The following EVI5 variants were observed in gnomAD, a reference collection of about 807,000 sequenced individuals.
The protein encoded by EVI5 is ecotropic viral integration site 5.
In EVI5, 73 loss-of-function variants were observed where a neutral mutation model predicts 112.0. The observed-to-expected ratio is 0.65, with a 90% CI of 0.54 to 0.79. The LOEUF (loss-of-function observed/expected upper bound fraction) is 0.79, where lower values mean the gene tolerates loss of function less well. Ranked by LOEUF, EVI5 falls within the 30% of genes least tolerant of loss-of-function variation. The probability of loss-of-function intolerance (pLI) is 0.00; values close to 1 mark genes in which losing one functional copy is unlikely to be tolerated. For synonymous variants in EVI5, 305 were observed against 319.9 expected, an observed-to-expected ratio of 0.95 and a Z score of 0.50; for missense variants, 900 against 968.8, an observed-to-expected ratio of 0.93 and a Z score of 0.94.
intron 14 of EVI5, among the ~76,000 whole-genome samples, chr1:92,631,995 T>C (rs996045878): frequency 1.1e-4 from 16 of 152,272 alleles, no homozygotes; most frequent in South Asian, 8.3e-4. Context: ...ATTGATTTGC[T>C]ATGTTGAACC....
rs1415662407 is a variant in EVI5 at position 92,717,903 on chromosome 1, C to T, written c.150-13159G>A. Among the ~76,000 whole-genome samples the T allele has an allele frequency of 7.2e-5, 11 of 151,936 alleles. No individual in the cohort carries two copies. The East Asian group carries it at 2.1e-3, about 29-fold the overall frequency. The stretch of plus-strand genomic sequence containing the variant: ...AAAAACCAGGGGTTGCAATCCTAGT[C>T]TCTGATAAAACAAATTTTAAACCAA... On this transcript the variant is annotated intron_variant, in intron 2 of 19. Transcript: ENST00000684568.
chr1:92,540,513 T>A (rs1410680850), intron 19 of EVI5, among the ~76,000 whole-genome samples: 1 of 152,204 alleles, frequency 6.6e-6, no homozygotes, highest in Non-Finnish European at 1.5e-5. Context: ...CCTTTATCCA[T>A]TTTATAACTG....
At chr1:92,554,199 G>A (rs544235805) in intron 19 of EVI5, among the ~76,000 whole-genome samples, 1 of 152,206 alleles carries the variant, frequency 6.6e-6, no homozygotes, top group Non-Finnish European at 1.5e-5. Flanking sequence ...TGAGCTATGA[G>A]TAGATTTTTA....
intron 2 of EVI5, chr1:92,732,071 T>C (rs1676574671): frequency 6.4e-6 from 1 of 156,560 alleles, no homozygotes; most frequent in African/African-American, 2.4e-5. Context: ...AGATTTTCTT[T>C]CATTTGTGTG....
intron 1 of EVI5, among the ~76,000 whole-genome samples, chr1:92,772,904 C>T (rs1444163190): frequency 2.1e-4 from 8 of 37,594 alleles, no homozygotes; most frequent in Non-Finnish European, 3.2e-4. Flanking sequence ...GAAACCCCAT[C>T]TTAAAAAAAA....
In EVI5 at chr1:92,513,176, A is replaced by C. The variant is rs199608537; in HGVS notation, c.*480T>G. Reference sequence around the variant, plus strand: ...AAAAAAAACAACAATAAAAAAAAAAACACAAGGTAAATCAGATGTATGTCT... The same window carrying C: ...AAAAAAAACAACAATAAAAAAAAAACCACAAGGTAAATCAGATGTATGTCT... On this transcript the variant is annotated 3_prime_UTR_variant, in exon 20 of 20. Coordinates refer to ENST00000684568, the MANE Select transcript of EVI5 (RefSeq NM_001350197.2). The C allele has an allele frequency of 1.2e-4, 17 of 144,998 alleles. No homozygotes were observed. Among genetic ancestry groups the C allele is most frequent in the African/African-American group, 3.8e-4 (15 of 39,994 alleles). 9.0% of individuals were successfully genotyped at this position (144,998 alleles called of 1,614,324 possible).
intron 2 of EVI5, among the ~76,000 whole-genome samples, chr1:92,707,945 C>T (rs1672261221): frequency 6.6e-6 from 1 of 152,082 alleles, no homozygotes. Context: ...CTGACATGTG[C>T]ATCAACATGG....
chr1:92,743,382 C>T (rs1216234805), intron 1 of EVI5, among the ~76,000 whole-genome samples: 2 of 151,910 alleles, frequency 1.3e-5, no homozygotes, highest in Non-Finnish European at 1.5e-5. Flanking sequence ...TTCTGACATA[C>T]CACAACATGA....
intron 14 of EVI5, among the ~76,000 whole-genome samples, chr1:92,632,149 C>A (rs184494759): frequency 1.3e-5 from 2 of 151,894 alleles, no homozygotes; most frequent in African/African-American, 4.8e-5. Context: ...CTCTTTTTTT[C>A]ATTGTGTCTC....
intron 5 of EVI5, among the ~76,000 whole-genome samples, chr1:92,701,287 C>T (rs1044860095): frequency 7.9e-5 from 12 of 152,152 alleles, no homozygotes; most frequent in Non-Finnish European, 1.8e-4. Context: ...CTTTCACTGC[C>T]TATCTCCTAT....
chr1:92,584,616 A>G (rs1557839521), intron 18 of EVI5, among the ~76,000 whole-genome samples: 2 of 152,210 alleles, frequency 1.3e-5, no homozygotes, highest in East Asian at 1.9e-4. Flanking sequence ...TAGCCTCTCC[A>G]TGACTTCAAG....
intron 13 of EVI5, among the ~76,000 whole-genome samples, chr1:92,648,723 A>G (rs1380352159): frequency 6.6e-6 from 1 of 152,188 alleles, no homozygotes; most frequent in African/African-American, 2.4e-5. Context: ...ATTCCTTTTT[A>G]TGGCTGAATA....
At chr1:92,521,196 A>G (rs990143301) in intron 19 of EVI5, among the ~76,000 whole-genome samples, 3 of 152,014 alleles carry the variant, frequency 2.0e-5, no homozygotes, top group Non-Finnish European at 2.9e-5. Context: ...TCTTGGGCTC[A>G]TGCAGTCCAC....
rs568013037 is a variant in EVI5, at chr1:92,677,092, T to G, written c.1158+66A>C. ...TTATGAATATAAGAAGTACAAACTT[T>G]AAACATCTACTGTCCAATAATTGAT... is the stretch of plus-strand genomic sequence containing the variant. On this transcript the variant is annotated intron_variant, in intron 10 of 19. Coordinates refer to ENST00000684568, the MANE Select transcript of EVI5 (RefSeq NM_001350197.2). 11 of 963,514 alleles carry G rather than the reference T, an allele frequency of 1.1e-5. No individual in the cohort carries two copies. In the East Asian group the frequency reaches 2.2e-4, roughly 19 times the overall value. The allele number at this position is 963,514 out of a possible 1,614,324, so 59.7% of individuals were successfully genotyped here.
chr1:92,676,286 G>T (rs1396881058), intron 10 of EVI5, among the ~76,000 whole-genome samples: 1 of 152,066 alleles, frequency 6.6e-6, no homozygotes, highest in Non-Finnish European at 1.5e-5. Context: ...AGAAAAATAA[G>T]GTGGTCATAT....
chr1:92,697,723 A>G (rs1670529398), intron 6 of EVI5, 137 bp downstream of exon 6: 2 of 719,294 alleles, frequency 2.8e-6, no homozygotes, highest in Non-Finnish European at 4.5e-6. Flanking sequence ...ACCAACCAAA[A>G]AACAATCATG....
intron 18 of EVI5, among the ~76,000 whole-genome samples, chr1:92,580,248 C>T (rs1185253007): frequency 1.3e-5 from 2 of 152,138 alleles, no homozygotes; most frequent in Non-Finnish European, 2.9e-5. Context: ...TCAAATTCCA[C>T]CCAGCAAGGA....
At chr1:92,629,325 T>G (rs1656366799) in intron 14 of EVI5, among the ~76,000 whole-genome samples, 1 of 152,222 alleles carries the variant, frequency 6.6e-6, no homozygotes, top group South Asian at 2.1e-4. Flanking sequence ...GACTGTTATG[T>G]CCATTATCTA....
chr1:92,657,225 T>C (rs904193361), intron 13 of EVI5, among the ~76,000 whole-genome samples: 3 of 152,092 alleles, frequency 2.0e-5, no homozygotes, highest in Non-Finnish European at 4.4e-5. Flanking sequence ...TGGTTCAACA[T>C]AAATAAATCA....
Sources: allele counts gnomAD v4.1 joint callset (sites outside exome capture counted in the v4.1 genomes callset), GRCh38; gene constraint gnomAD v4.1.1; transcripts MANE v1.5; gene names NCBI Gene and HGNC (gene_info 2026-07-23, HGNC 2026-07-21).